The following CALCRL variants were observed in gnomAD, a reference collection of about 807,000 sequenced individuals.
CALCRL encodes the protein calcitonin receptor like receptor, also known as calcitonin gene-related peptide type 1 receptor.
In CALCRL, 27 loss-of-function variants were observed where a neutral mutation model predicts 60.4. The ratio of observed to expected loss-of-function variants is 0.45; its 90% confidence interval spans 0.33 to 0.62. The LOEUF (loss-of-function observed/expected upper bound fraction) is 0.62, where lower values mean the gene tolerates loss of function less well. CALCRL is among the 20% of genes least tolerant of loss of function. The probability of loss-of-function intolerance (pLI) is 0.03; values close to 1 mark genes in which losing one functional copy is unlikely to be tolerated. For synonymous variants in CALCRL, 190 were observed against 182.6 expected (o/e 1.04, Z -0.33); for missense variants, 424 against 540.7 (o/e 0.78, Z 2.14).
chr2:187,366,249 C>CAAAAAAAAAAAA (rs59586461), intron 8 of CALCRL, among the ~76,000 whole-genome samples: 41 of 94,610 alleles, frequency 4.3e-4, no homozygotes, highest in South Asian at 7.1e-4. Flanking sequence ...GACTCCGTCT[C>CAAAAAAAAAAAA]AAAAAAAAAA....
chr2:187,420,373 T>C (rs906099032), intron 1 of CALCRL, among the ~76,000 whole-genome samples: 3 of 152,114 alleles, frequency 2.0e-5, no homozygotes, highest in Admixed American at 6.6e-5. Context: ...TTTCAAAGAA[T>C]AGGAAAAACA....
chr2:187,427,473 A>T (rs1213860048), intron 1 of CALCRL, among the ~76,000 whole-genome samples: 2 of 152,166 alleles, frequency 1.3e-5, no homozygotes, highest in Admixed American at 6.5e-5. Context: ...AACAAATTTG[A>T]AAAGAAAAAA....
At chr2:187,375,333 A>G (rs1687709508) in intron 8 of CALCRL, among the ~76,000 whole-genome samples, 1 of 151,330 alleles carries the variant, frequency 6.6e-6, no homozygotes, top group South Asian at 2.1e-4. Flanking sequence ...CATACCTCTT[A>G]TACTAACTTG....
At chr2:187,388,357 T>C (rs192846283) in intron 1 of CALCRL, among the ~76,000 whole-genome samples, 84 of 152,244 alleles carry the variant, frequency 5.5e-4, no homozygotes, top group African/African-American at 1.9e-3. Context: ...AGTTAACAGA[T>C]ACAGTAACTC....
intron 10 of CALCRL, 21 bp downstream of exon 10, chr2:187,360,577 A>T: frequency 2.5e-6 from 4 of 1,590,268 alleles, no homozygotes; most frequent in Non-Finnish European, 3.4e-6. Flanking sequence ...TGAATCAACA[A>T]GTATGTATAA....
intron 1 of CALCRL, among the ~76,000 whole-genome samples, chr2:187,434,690 G>A (rs1452053239): frequency 1.3e-5 from 2 of 152,102 alleles, no homozygotes; most frequent in Non-Finnish European, 1.5e-5. Flanking sequence ...CAAAACTGTG[G>A]AAGCAATCCA....
chr2:187,426,261 G>A (rs1031396466), intron 1 of CALCRL, among the ~76,000 whole-genome samples: 2 of 149,158 alleles, frequency 1.3e-5, no homozygotes, highest in Non-Finnish European at 3.0e-5. Flanking sequence ...TTTTGCAGAC[G>A]TGTGCATTGC....
chr2:187,369,875 T>C (rs894889616), intron 8 of CALCRL, among the ~76,000 whole-genome samples: 1 of 152,116 alleles, frequency 6.6e-6, no homozygotes, highest in Non-Finnish European at 1.5e-5. Flanking sequence ...GGGGAAGACA[T>C]CCCTGTTTGT....
At chr2:187,425,347 T>C (rs1292629654) in intron 1 of CALCRL, among the ~76,000 whole-genome samples, 1 of 151,952 alleles carries the variant, frequency 6.6e-6, no homozygotes, top group Non-Finnish European at 1.5e-5. Context: ...CATAGAATTA[T>C]ACAGACCCAG....
At chr2:187,381,582 A>G (rs1424353704) in intron 5 of CALCRL, among the ~76,000 whole-genome samples, 2 of 151,782 alleles carry the variant, frequency 1.3e-5, no homozygotes, top group Non-Finnish European at 2.9e-5. Flanking sequence ...CAGCCTCCCA[A>G]GTGGCTGGGA....
intron 1 of CALCRL, among the ~76,000 whole-genome samples, chr2:187,393,184 G>C (rs1437270633): frequency 2.0e-5 from 3 of 151,978 alleles, no homozygotes; most frequent in Non-Finnish European, 4.4e-5. Flanking sequence ...CCCAAAACTT[G>C]GTGAAAATGT....
chr2:187,371,538 G>A (rs574361672), intron 8 of CALCRL, among the ~76,000 whole-genome samples: 10 of 152,248 alleles, frequency 6.6e-5, no homozygotes, highest in African/African-American at 2.2e-4. Context: ...TACAACATCA[G>A]AGTAATTAGT....
intron 1 of CALCRL, among the ~76,000 whole-genome samples, chr2:187,408,972 T>A (rs920964379): frequency 6.6e-6 from 1 of 152,216 alleles, no homozygotes; most frequent in Non-Finnish European, 1.5e-5. Context: ...AAAGGGAGCA[T>A]GAATAAATTA....
chr2:187,343,895 AACAG>A lies in CALCRL; in HGVS notation c.*2285_*2288del, dbSNP rs1473450857. 3 of 151,640 alleles carry A rather than the reference AACAG, an allele frequency of 2.0e-5. No homozygotes were observed. Among genetic ancestry groups the A allele is most frequent in the Non-Finnish European group, 4.4e-5 (3 of 67,626 alleles). The allele number at this position is 151,640 out of a possible 1,614,324, so 9.4% of individuals were successfully genotyped here. Reference sequence around the variant, plus strand: ...TGACTGCTACGCCTCAAGACTCTACAACAGACAAACCCTGGCTATAAAATAAATC... The same window carrying A: ...TGACTGCTACGCCTCAAGACTCTACAACAAACCCTGGCTATAAAATAAATC... On this transcript the variant is annotated 3_prime_UTR_variant, in exon 15 of 15. Coordinates refer to ENST00000392370, the MANE Select transcript of CALCRL (RefSeq NM_005795.6).
At chr2:187,400,792 CAT>C (rs1247599101) in intron 1 of CALCRL, among the ~76,000 whole-genome samples, 1 of 151,128 alleles carries the variant, frequency 6.6e-6, no homozygotes, top group Non-Finnish European at 1.5e-5. Flanking sequence ...AAAAAAGAAA[CAT>C]ATTATATGAT....
intron 1 of CALCRL, among the ~76,000 whole-genome samples, chr2:187,409,853 G>A (rs13396246): frequency 0.043 from 6,536 of 152,202 alleles, 476 homozygotes; most frequent in African/African-American, 0.15. Flanking sequence ...CAAGGAGAGT[G>A]ATTTGGAGGG....
intron 1 of CALCRL, among the ~76,000 whole-genome samples, chr2:187,422,993 G>T (rs1203178795): frequency 6.6e-6 from 1 of 151,872 alleles, no homozygotes; most frequent in East Asian, 1.9e-4. Flanking sequence ...TTCAGAAATG[G>T]CATCAAAGTA....
chr2:187,432,461 A>G (rs1371322183), intron 1 of CALCRL, among the ~76,000 whole-genome samples: 4 of 152,130 alleles, frequency 2.6e-5, no homozygotes, highest in African/African-American at 9.7e-5. Flanking sequence ...ATCTATTGCC[A>G]ATAATTTCTT....
Position 187,342,358 on chromosome 2 carries a change from CT to C in CALCRL, c.*3825del, listed in dbSNP as rs931809253. Among the ~76,000 whole-genome samples the C allele has an allele frequency of 6.6e-6, 1 of 151,576 alleles. No individual in the cohort carries two copies. Among genetic ancestry groups the C allele is most frequent in the Non-Finnish European group, 1.5e-5 (1 of 67,650 alleles). On this transcript the variant is annotated 3_prime_UTR_variant, in exon 15 of 15. Transcript: ENST00000392370. ...CTCTATGGATGTATTAAAATATACT[CT>C]ACTAATATACTAAAAACTGCTTTGA...
Sources: gnomAD v4.1 joint callset for allele counts (sites outside exome capture counted in the v4.1 genomes callset) on GRCh38, gnomAD v4.1.1 for gene constraint, MANE v1.5 for transcripts, NCBI Gene and HGNC (gene_info 2026-07-23, HGNC 2026-07-21) for gene names.